The following NEB variants were observed in gnomAD, a reference collection of about 807,000 sequenced individuals.
NEB encodes the protein nemaline myopathy type 2.
NEB carries 512 observed loss-of-function variants against 952.2 expected under a neutral mutation model. That is an observed-to-expected ratio of 0.54 (90% CI 0.50 to 0.58). The LOEUF (loss-of-function observed/expected upper bound fraction) is 0.58. Among genes scored for constraint, NEB ranks in the 20% least tolerant of loss-of-function variants. The probability of loss-of-function intolerance (pLI) is 0.00; values close to 1 mark genes in which losing one functional copy is unlikely to be tolerated. For synonymous variants in NEB, 2,900 were observed against 3,149.8 expected (o/e 0.92, Z 2.66); for missense variants, 8,428 against 9,231.1 (o/e 0.91, Z 3.56).
chr2:151,671,012 A>G lies in NEB; in HGVS notation c.4506+11T>C. The G allele has an allele frequency of 6.2e-7, 1 of 1,610,302 alleles. No homozygotes were observed. Among genetic ancestry groups the G allele is most frequent in the Non-Finnish European group, 8.5e-7 (1 of 1,176,426 alleles). On this transcript the variant is annotated intron_variant, in intron 38 of 181. Transcript: ENST00000397345. The stretch of plus-strand genomic sequence containing the variant: ...TTTACGGGCAAATCATTTTGAAAGG[A>G]AAGCACTCACATCACTTAGCTGCTT...
intron 22 of NEB, 45 bp downstream of exon 22, chr2:151,692,014 C>T: frequency 6.2e-7 from 1 of 1,605,720 alleles, no homozygotes; most frequent in Non-Finnish European, 8.5e-7. Context: ...TTATGGCTCT[C>T]AAACAATGTC....
intron 37 of NEB, among the ~76,000 whole-genome samples, chr2:151,672,150 T>C (rs1390994637): frequency 2.6e-5 from 4 of 152,192 alleles, no homozygotes; most frequent in Non-Finnish European, 5.9e-5. Context: ...TTATCTTTTA[T>C]CCATAAGTTA....
At position 151,513,611 on chromosome 2, in the gene NEB, C is replaced by G. The variant is rs771495609; in HGVS notation, c.23210G>C (p.Arg7737Thr). The G allele has an allele frequency of 5.0e-6, 8 of 1,609,710 alleles. No individual in the cohort carries two copies. In the South Asian group the frequency reaches 8.9e-5, roughly 18 times the overall value. The part of the protein sequence containing the change: ...AMANETPDFM[R>T]ARNATDIASQ... ...GGCAATATCAGTAGCATTCCTGGCC[C>G]TCATAAAATCCGGAGTTTCATTGGC... Residue 7737 changes from arginine (R) to threonine (T), a missense_variant, in exon 160 of 182, where the codon AGG becomes ACG. Physicochemically the swap from Arg to Thr is moderately conservative, Grantham distance 71 (BLOSUM62 -1). Around this residue, in one of 11 missense-constraint regions of NEB, gnomAD observed 3,374 missense variants for 3,651.5 expected, o/e 0.92. Coordinates refer to ENST00000397345, the MANE Select transcript of NEB (RefSeq NM_001164508.2).
intron 100 of NEB, among the ~76,000 whole-genome samples, chr2:151,583,969 G>A (rs2097175368): frequency 8.1e-6 from 1 of 122,902 alleles, no homozygotes; most frequent in Admixed American, 8.2e-5. Flanking sequence ...GAGTAAATCA[G>A]GAGGGAGATG....
At chr2:151,529,748 C>G (rs543480189) in intron 145 of NEB, among the ~76,000 whole-genome samples, 9 of 152,104 alleles carry the variant, frequency 5.9e-5, no homozygotes, top group African/African-American at 1.4e-4. Flanking sequence ...AGGCTGGTCT[C>G]GAACTCGTGA....
intron 10 of NEB, among the ~76,000 whole-genome samples, chr2:151,716,712 T>C (rs1444898795): frequency 2.0e-5 from 3 of 152,106 alleles, no homozygotes; most frequent in Non-Finnish European, 2.9e-5. Context: ...ATAAAAATCT[T>C]GAGGTTTCAT....
intron 167 of NEB, 102 bp downstream of exon 167, chr2:151,502,691 C>G: frequency 1.4e-6 from 1 of 720,044 alleles, no homozygotes; most frequent in Non-Finnish European, 2.4e-6. Context: ...TATTTGGTAT[C>G]ATTATTTTCA....
At chr2:151,489,889 C>T (rs548319430) in intron 181 of NEB, 82 bp downstream of exon 181, 417 of 1,044,034 alleles carry the variant, frequency 4.0e-4, no homozygotes, top group South Asian at 9.6e-4. Context: ...TAAAAAAAAC[C>T]GTAATACCTA....
intron 180 of NEB, 24 bp from the exon 181 acceptor site, chr2:151,490,101 T>A: frequency 2.6e-6 from 4 of 1,548,164 alleles, no homozygotes; most frequent in Non-Finnish European, 3.5e-6. Context: ...GGCAAATTCT[T>A]TATAAGAAGA....
At chr2:151,654,248 T>C in intron 51 of NEB, 149 bp from the exon 52 acceptor site, 1 of 487,890 alleles carries the variant, frequency 2.0e-6, no homozygotes, top group East Asian at 3.2e-5. Context: ...AAACAAGCTG[T>C]TTAAAGGAGG....
intron 54 of NEB, among the ~76,000 whole-genome samples, chr2:151,648,112 C>T (rs1291966565): frequency 3.3e-5 from 5 of 152,152 alleles, no homozygotes; most frequent in African/African-American, 1.2e-4. Context: ...TTTGGGGAAT[C>T]TGGGTATATG....
intron 168 of NEB, among the ~76,000 whole-genome samples, chr2:151,501,096 G>A (rs935729009): frequency 1.3e-5 from 2 of 152,072 alleles, no homozygotes; most frequent in Non-Finnish European, 1.5e-5. Context: ...AAGTAAATAA[G>A]AGCTTTAGTG....
rs747100290 is a variant in NEB at position 151,506,904 on chromosome 2, T to C, written c.23556+5A>G. 2 of 1,570,726 alleles carry C rather than the reference T, an allele frequency of 1.3e-6. No homozygotes were observed. Among genetic ancestry groups the C allele is most frequent in the Non-Finnish European group, 1.8e-6 (2 of 1,142,314 alleles). ...CATTAAATGCAAAATAAATAGTAAA[T>C]ATACCGAGCTGAAATTCTTCTGATT... is the stretch of plus-strand genomic sequence containing the variant. On this transcript the variant is annotated splice_donor_5th_base_variant and intron_variant, in intron 163 of 181. Coordinates refer to ENST00000397345, the MANE Select transcript of NEB (RefSeq NM_001164508.2).
At chr2:151,678,410 C>T (rs551610043) in intron 32 of NEB, among the ~76,000 whole-genome samples, 1 of 152,228 alleles carries the variant, frequency 6.6e-6, no homozygotes, top group East Asian at 1.9e-4. Flanking sequence ...TTCTGCCTAT[C>T]CAAGTGAGGT....
At chr2:151,564,120 C>G (rs988312390) in intron 117 of NEB, among the ~76,000 whole-genome samples, 190 bp from the exon 118 acceptor site, 5 of 151,896 alleles carry the variant, frequency 3.3e-5, no homozygotes, top group African/African-American at 9.7e-5. Context: ...CTTACAGACT[C>G]GAGGCATTTT....
rs368915047 is a variant in NEB at position 151,617,467 on chromosome 2, C to T, written c.11078G>A (p.Arg3693His). 5.1e-5 allele frequency: 70 copies of T among 1,372,508 alleles called. 1 individual carries two copies. In the African/African-American group the frequency reaches 8.6e-4, roughly 17 times the overall value. 85.0% of individuals were successfully genotyped at this position (1,372,508 alleles called of 1,614,324 possible). A position where few individuals can be genotyped will look rare whatever the true frequency, so the allele number is the denominator to read the frequency against. ...ATTGTCCCAGGCTTCAGTATATAAGCGCTACAAAAAAAAAAAAAAAAGAGA... is the reference window on the plus strand; with the variant it reads ...ATTGTCCCAGGCTTCAGTATATAAGTGCTACAAAAAAAAAAAAAAAAGAGA... Reference protein sequence around the residue: ...AKNNALNMNKRLYTEAWDNDK... With the variant: ...AKNNALNMNKHLYTEAWDNDK... Residue 3693 changes from arginine (R) to histidine (H), a missense_variant and splice_region_variant, in exon 75 of 182, where the codon CGC becomes CAC. By Grantham distance (29) the Arg-to-His change is conservative (BLOSUM62 0). Transcript: ENST00000397345.
chr2:151,522,320 T>G (rs1224940845), intron 153 of NEB, among the ~76,000 whole-genome samples: 1 of 152,198 alleles, frequency 6.6e-6, no homozygotes, highest in Non-Finnish European at 1.5e-5. Context: ...AGGCCTGAAC[T>G]GAGAAACTAT....
At chr2:151,718,937 A>G (rs2150411359) in intron 9 of NEB, among the ~76,000 whole-genome samples, 1 of 152,282 alleles carries the variant, frequency 6.6e-6, no homozygotes, top group East Asian at 1.9e-4. Context: ...TGAAGCCCTC[A>G]GATGCTTCAC....
intron 142 of NEB, chr2:151,534,426 C>T (rs1219062095): frequency 1.4e-5 from 13 of 902,044 alleles, no homozygotes; most frequent in Middle Eastern, 2.2e-4. Flanking sequence ...TCTCTAGTGG[C>T]GGGCTCCCAA....
Sources: gnomAD v4.1 joint callset for allele counts (sites outside exome capture counted in the v4.1 genomes callset) on GRCh38, gnomAD v4.1.1 for gene constraint, gnomAD v4.1.1 regional missense constraint, MANE v1.5 for transcripts, NCBI Gene and HGNC (gene_info 2026-07-23, HGNC 2026-07-21) for gene names.